AFF3: variants seen among roughly 807,000 people sequenced by gnomAD.
AFF3 encodes the protein AF4/FMR2 family member 3.
AFF3 carries 32 observed loss-of-function variants against 129.7 expected under a neutral mutation model. The ratio of observed to expected loss-of-function variants is 0.25; its 90% CI spans 0.19 to 0.33. The LOEUF (loss-of-function observed/expected upper bound fraction) is 0.33, where lower values mean the gene tolerates loss of function less well. Among genes scored for constraint, AFF3 ranks in the 10% least tolerant of loss-of-function variants. The pLI, the probability that AFF3 is intolerant of heterozygous loss-of-function variation, is 1.00. For missense variants in AFF3, 1,373 were observed against 1,592.0 expected, an observed-to-expected ratio of 0.86 and a Z score of 2.34; for synonymous variants, 644 against 635.4, an observed-to-expected ratio of 1.01 and a Z score of -0.20.
intron 7 of AFF3, among the ~76,000 whole-genome samples, chr2:99,941,765 G>T (rs983828241): frequency 1.2e-4 from 18 of 152,156 alleles, no homozygotes; most frequent in African/African-American, 4.3e-4. Context: ...ACAGTATCTT[G>T]TGACAGTGAA....
intron 7 of AFF3, among the ~76,000 whole-genome samples, chr2:99,953,958 G>A (rs1676397286): frequency 6.6e-6 from 1 of 152,186 alleles, no homozygotes; most frequent in Non-Finnish European, 1.5e-5. Context: ...GAGTGACTGG[G>A]GAGACACAGC....
chr2:99,597,475 C>T (rs1558624755), intron 14 of AFF3, among the ~76,000 whole-genome samples: 1 of 152,194 alleles, frequency 6.6e-6, no homozygotes, highest in Non-Finnish European at 1.5e-5. Flanking sequence ...CTTTAGTATC[C>T]CTTGCAGCAT....
At position 99,766,992 on chromosome 2, in the gene AFF3, A is replaced by G. The variant is rs113762273; in HGVS notation, c.922-14691T>C. Among the ~76,000 whole-genome samples, 148 of 152,358 alleles carry G rather than the reference A, an allele frequency of 9.7e-4. 1 individual carries two copies. The highest frequency in any genetic ancestry group is 3.4e-3 in the African/African-American group (141 of 41,586). On this transcript the variant is annotated intron_variant, in intron 8 of 24. Transcript: ENST00000672756. ...TTCAGACCAATGTTTTTATCCCTTG[A>G]TGTTCACTGACAACACAGACACAGT...
chr2:99,978,382 C>T (rs1171863009), intron 7 of AFF3, among the ~76,000 whole-genome samples: 1 of 152,166 alleles, frequency 6.6e-6, no homozygotes, highest in Non-Finnish European at 1.5e-5. Flanking sequence ...ATGGTCTTAA[C>T]ATTGCCAATG....
chr2:99,698,371 G>A (rs796902635), intron 11 of AFF3, among the ~76,000 whole-genome samples: 13 of 152,302 alleles, frequency 8.5e-5, no homozygotes, highest in African/African-American at 2.9e-4. Context: ...GCCTTAGGCT[G>A]TCCAGCATTG....
intron 7 of AFF3, among the ~76,000 whole-genome samples, chr2:99,853,798 T>C (rs1161486805): frequency 3.3e-5 from 5 of 152,196 alleles, no homozygotes; most frequent in African/African-American, 1.2e-4. Flanking sequence ...GGTTAAAAAA[T>C]GGGCAACATA....
At chr2:99,682,505 C>A (rs540770660) in intron 11 of AFF3, among the ~76,000 whole-genome samples, 20 of 152,182 alleles carry the variant, frequency 1.3e-4, no homozygotes, top group African/African-American at 4.3e-4. Flanking sequence ...CACAAGGCAG[C>A]GCTGGGGAAT....
intron 4 of AFF3, among the ~76,000 whole-genome samples, chr2:100,050,046 T>C (rs892831235): frequency 6.6e-6 from 1 of 152,014 alleles, no homozygotes; most frequent in Non-Finnish European, 1.5e-5. Flanking sequence ...ACCCTGTCTC[T>C]ACTAAAAATA....
At chr2:100,042,700 G>T (rs1685536864) in intron 4 of AFF3, among the ~76,000 whole-genome samples, 1 of 152,184 alleles carries the variant, frequency 6.6e-6, no homozygotes, top group Non-Finnish European at 1.5e-5. Context: ...GTCAAGACAT[G>T]TCATATGGAA....
chr2:99,962,670 T>C (rs1268960486), intron 7 of AFF3, among the ~76,000 whole-genome samples: 2 of 151,822 alleles, frequency 1.3e-5, no homozygotes, highest in Non-Finnish European at 2.9e-5. Flanking sequence ...GAGGACAGAA[T>C]CAGTGAACCT....
chr2:100,050,760 C>G (rs1489296315), intron 4 of AFF3, among the ~76,000 whole-genome samples: 1 of 152,210 alleles, frequency 6.6e-6, no homozygotes, highest in Non-Finnish European at 1.5e-5. Context: ...CATCTCCCAG[C>G]AGTCCCTGCT....
At chr2:99,577,291 G>A (rs1677085974) in intron 18 of AFF3, among the ~76,000 whole-genome samples, 1 of 152,156 alleles carries the variant, frequency 6.6e-6, no homozygotes, top group Admixed American at 6.5e-5. Flanking sequence ...TAGGGATGGA[G>A]GAGCGGGGCG....
At chr2:100,014,909 G>A (rs1446426225) in intron 4 of AFF3, among the ~76,000 whole-genome samples, 2 of 149,686 alleles carry the variant, frequency 1.3e-5, no homozygotes, top group African/African-American at 4.9e-5. Context: ...TCAGCCTCCC[G>A]AGTAGCTGGG....
At chr2:100,084,108 A>G (rs1339933206) in intron 4 of AFF3, among the ~76,000 whole-genome samples, 3 of 152,258 alleles carry the variant, frequency 2.0e-5, no homozygotes, top group African/African-American at 7.2e-5. Flanking sequence ...GCCTTTGGGC[A>G]TATACAGGAT....
At chr2:99,557,877 C>A (rs899712193) in intron 22 of AFF3, among the ~76,000 whole-genome samples, 1 of 152,160 alleles carries the variant, frequency 6.6e-6, no homozygotes, top group Non-Finnish European at 1.5e-5. Context: ...GTGTATCTGA[C>A]AAAGGGCTGT....
At chr2:99,928,766 T>G (rs1377181082) in intron 7 of AFF3, among the ~76,000 whole-genome samples, 1 of 152,212 alleles carries the variant, frequency 6.6e-6, no homozygotes, top group Non-Finnish European at 1.5e-5. Flanking sequence ...ACCATGGCTG[T>G]GTCTTGAGAC....
intron 4 of AFF3, among the ~76,000 whole-genome samples, chr2:100,045,695 G>C (rs1685778146): frequency 6.6e-6 from 1 of 151,336 alleles, no homozygotes; most frequent in African/African-American, 2.4e-5. Context: ...TTCCTCTTCA[G>C]CCAGTATACT....
intron 7 of AFF3, among the ~76,000 whole-genome samples, chr2:99,923,842 G>A (rs902270559): frequency 7.9e-5 from 12 of 151,772 alleles, no homozygotes; most frequent in East Asian, 3.9e-4. Context: ...AGAGAGTCAC[G>A]GTGTATAATT....
chr2:99,982,099 T>A (rs1378720752), intron 7 of AFF3, among the ~76,000 whole-genome samples: 1 of 152,140 alleles, frequency 6.6e-6, no homozygotes, highest in African/African-American at 2.4e-5. Context: ...CGAAGGTGGG[T>A]GGGACCAAAC....
Sources: allele counts gnomAD v4.1 joint callset (sites outside exome capture counted in the v4.1 genomes callset), GRCh38; gene constraint gnomAD v4.1.1; transcripts MANE v1.5; gene names NCBI Gene and HGNC (gene_info 2026-07-23, HGNC 2026-07-21).